The following DSTYK variants were observed in gnomAD, a reference collection of about 807,000 sequenced individuals.
DSTYK encodes dual serine/threonine and tyrosine protein kinase.
Under a neutral mutation model 98.7 loss-of-function variants are expected in DSTYK, and 34 were observed. The ratio of observed to expected loss-of-function variants is 0.34; its 90% CI spans 0.26 to 0.46. The LOEUF (loss-of-function observed/expected upper bound fraction) is 0.46, where lower values mean the gene tolerates loss of function less well. DSTYK is among the 20% of genes least tolerant of loss of function. DSTYK has a pLI of 1.00. For synonymous variants in DSTYK, 462 were observed against 457.3 expected (o/e 1.01, Z -0.13); for missense variants, 962 against 1,181.7 (o/e 0.81, Z 2.73).
intron 7 of DSTYK, among the ~76,000 whole-genome samples, chr1:205,160,787 T>G (rs1657695671): frequency 1.4e-5 from 2 of 143,438 alleles, no homozygotes; most frequent in South Asian, 5.0e-4. Flanking sequence ...TGTTTTTTGT[T>G]GTTTTTTTTT....
intron 10 of DSTYK, among the ~76,000 whole-genome samples, chr1:205,152,686 GTATC>G (rs1657441175): frequency 6.6e-6 from 1 of 151,534 alleles, no homozygotes; most frequent in Non-Finnish European, 1.5e-5. Flanking sequence ...ATTTTGGAAT[GTATC>G]TATTATATTT....
At chr1:205,161,445 C>G in intron 6 of DSTYK, 58 bp from the exon 7 acceptor site, 1 of 1,561,938 alleles carries the variant, frequency 6.4e-7, no homozygotes, top group South Asian at 1.1e-5. Flanking sequence ...AGCTTCCTCA[C>G]CTGTTATACA....
At chr1:205,157,885 G>A (rs761377195) in intron 9 of DSTYK, among the ~76,000 whole-genome samples, 1 of 152,100 alleles carries the variant, frequency 6.6e-6, no homozygotes, top group East Asian at 1.9e-4. Flanking sequence ...CTGCAGTTAA[G>A]CCGAACAGAT....
At chr1:205,148,101 C>T in intron 12 of DSTYK, 104 bp downstream of exon 12, 1 of 1,407,316 alleles carries the variant, frequency 7.1e-7, no homozygotes, top group Non-Finnish European at 9.8e-7. Context: ...TACGGCCCTG[C>T]TATGGAGTGG....
At chr1:205,199,917 T>C (rs1658978072) in intron 1 of DSTYK, among the ~76,000 whole-genome samples, 1 of 152,214 alleles carries the variant, frequency 6.6e-6, no homozygotes, top group Non-Finnish European at 1.5e-5. Context: ...GCTCTAATAG[T>C]AATCTTCATA....
At chr1:205,157,203 T>C (rs1476686132) in intron 10 of DSTYK, 70 bp downstream of exon 10, 2 of 1,342,926 alleles carry the variant, frequency 1.5e-6, no homozygotes, top group African/African-American at 2.9e-5. Flanking sequence ...AACTTACATT[T>C]ACATGTACCC....
intron 1 of DSTYK, 47 bp from the exon 2 acceptor site, chr1:205,187,853 G>A (rs745474855): frequency 2.0e-6 from 3 of 1,499,478 alleles, no homozygotes; most frequent in Non-Finnish European, 2.7e-6. Flanking sequence ...AGTAGAGAGA[G>A]AGGAGTGAGG....
chr1:205,170,885 C>G (rs1658040699), intron 2 of DSTYK, among the ~76,000 whole-genome samples: 1 of 152,054 alleles, frequency 6.6e-6, no homozygotes, highest in South Asian at 2.1e-4. Context: ...GCAGCGATCA[C>G]TCAGCAGCCC....
At chr1:205,156,192 G>A (rs978924790) in intron 10 of DSTYK, among the ~76,000 whole-genome samples, 6 of 152,234 alleles carry the variant, frequency 3.9e-5, no homozygotes, top group Non-Finnish European at 7.3e-5. Context: ...GGGATATGTG[G>A]GGTTGGAGCC....
In DSTYK at chr1:205,144,644, T is replaced by G. The variant is rs1193637492; in HGVS notation, c.*2914A>C. On this transcript the variant is annotated 3_prime_UTR_variant, in exon 13 of 13. Coordinates refer to ENST00000367162, the MANE Select transcript of DSTYK (RefSeq NM_015375.3). ...AGTATTTAAATAACATCCCCAAATA[T>G]CCATATGTGGACTTTGGCTGGCCTA... The G allele has an allele frequency of 6.6e-6, 1 of 152,462 alleles. No individual in the cohort carries two copies. The highest frequency in any genetic ancestry group is 1.5e-5 in the Non-Finnish European group (1 of 68,032). 9.4% of individuals were successfully genotyped at this position (152,462 alleles called of 1,614,324 possible). A position where few individuals can be genotyped will look rare whatever the true frequency, so the allele number is the denominator to read the frequency against.
intron 11 of DSTYK, among the ~76,000 whole-genome samples, chr1:205,148,816 G>A (rs1174384803): frequency 6.6e-6 from 1 of 151,954 alleles, no homozygotes; most frequent in Non-Finnish European, 1.5e-5. Context: ...GATTCCAACA[G>A]CAATAGGGTG....
Position 205,211,548 on chromosome 1 carries a change from C to T in DSTYK, c.-13G>A, listed in dbSNP as rs757240698. 8 of 1,498,030 alleles carry T rather than the reference C, an allele frequency of 5.3e-6. No individual in the cohort carries two copies. Among genetic ancestry groups the T allele is most frequent in the Non-Finnish European group, 4.4e-6 (5 of 1,131,440 alleles). 92.8% of individuals were successfully genotyped at this position (1,498,030 alleles called of 1,614,324 possible). On this transcript the variant is annotated 5_prime_UTR_variant, in exon 1 of 13. Transcript: ENST00000367162. ...CGTCGCCCTCCATCGCCTCTGCCCGCTCTGTCTTTGCGGCTCGGTCCCCGG... is the reference window on the plus strand; with the variant it reads ...CGTCGCCCTCCATCGCCTCTGCCCGTTCTGTCTTTGCGGCTCGGTCCCCGG...
At chr1:205,183,754 C>T (rs1160602164) in intron 2 of DSTYK, among the ~76,000 whole-genome samples, 1 of 152,158 alleles carries the variant, frequency 6.6e-6, no homozygotes, top group Non-Finnish European at 1.5e-5. Context: ...CTGTACAATG[C>T]CCCCAGCAGT....
intron 1 of DSTYK, among the ~76,000 whole-genome samples, chr1:205,199,165 C>T (rs1658954524): frequency 6.6e-6 from 1 of 152,096 alleles, no homozygotes; most frequent in South Asian, 2.1e-4. Context: ...ATCATCCTGC[C>T]CAGAGCACAC....
chr1:205,196,238 C>T (rs1658862664), intron 1 of DSTYK, among the ~76,000 whole-genome samples: 1 of 152,126 alleles, frequency 6.6e-6, no homozygotes, highest in African/African-American at 2.4e-5. Context: ...ACAACTAATA[C>T]ATATAGAAGG....
intron 12 of DSTYK, among the ~76,000 whole-genome samples, chr1:205,147,971 G>T (rs942545684): frequency 1.3e-5 from 2 of 152,094 alleles, no homozygotes; most frequent in Admixed American, 1.3e-4. Context: ...ATTAGCATAT[G>T]AAGTTGAAGA....
At chr1:205,178,739 A>C (rs911970992) in intron 2 of DSTYK, among the ~76,000 whole-genome samples, 3 of 152,200 alleles carry the variant, frequency 2.0e-5, no homozygotes, top group African/African-American at 7.2e-5. Flanking sequence ...AAGGACACTG[A>C]TTTATTCAAA....
chr1:205,150,560 G>C lies in DSTYK; in HGVS notation c.2467+120C>G. ...CCTTAGGTAGGTCTCCCCTGATCTG[G>C]TTTCTCCCTTGCCTGTGCCAGACCT... On this transcript the variant is annotated intron_variant, in intron 11 of 12. Transcript: ENST00000367162. This position sits in a 1 kb window ranked among gnomAD's most constrained non-coding sequence, Gnocchi z 4.1. 1.2e-5 allele frequency: 9 copies of C among 757,724 alleles called. No individual in the cohort carries two copies. The highest frequency in any genetic ancestry group is 1.8e-5 in the Non-Finnish European group (8 of 451,078). The allele number at this position is 757,724 out of a possible 1,614,324, so 46.9% of individuals were successfully genotyped here.
At chr1:205,173,719 G>A (rs61822659) in intron 2 of DSTYK, among the ~76,000 whole-genome samples, 44,376 of 151,592 alleles carry the variant, frequency 0.29, 8,497 homozygotes, top group Non-Finnish European at 0.43. Context: ...AGACCAATAC[G>A]GTTGTTTTTT....
Sources: allele counts gnomAD v4.1 joint callset (sites outside exome capture counted in the v4.1 genomes callset), GRCh38; gene constraint gnomAD v4.1.1; non-coding constraint Gnocchi (gnomAD v3.1); transcripts MANE v1.5; gene names NCBI Gene and HGNC (gene_info 2026-07-23, HGNC 2026-07-21).